The following TMEM132E variants were observed in gnomAD, a reference collection of about 807,000 sequenced individuals.
TMEM132E encodes the protein transmembrane protein 132E.
In TMEM132E, 49 loss-of-function variants were observed where a neutral mutation model predicts 78.5. The ratio of observed to expected loss-of-function variants is 0.62; its 90% confidence interval spans 0.50 to 0.79. TMEM132E has a LOEUF of 0.79. TMEM132E is among the 30% of genes least tolerant of loss of function. The pLI is 0.00. For missense variants in TMEM132E, 1,403 were observed against 1,470.9 expected, an observed-to-expected ratio of 0.95 and a Z score of 0.75; for synonymous variants, 715 against 670.6, an observed-to-expected ratio of 1.07 and a Z score of -1.02.
At chr17:34,594,475 A>C (rs947846297) in intron 1 of TMEM132E, among the ~76,000 whole-genome samples, 2 of 152,222 alleles carry the variant, frequency 1.3e-5, no homozygotes, top group Admixed American at 6.5e-5. Flanking sequence ...ATGGGATAAT[A>C]AGAGTGCCTT....
chr17:34,618,260 C>G (rs1906844700), intron 1 of TMEM132E, among the ~76,000 whole-genome samples: 1 of 152,140 alleles, frequency 6.6e-6, no homozygotes, highest in Non-Finnish European at 1.5e-5. Flanking sequence ...GTTTTAGAGA[C>G]AGGGTCTCAC....
Position 34,635,926 on chromosome 17 carries a change from G to A in TMEM132E, c.1978-81G>A, listed in dbSNP as rs552686979. On this transcript the variant is annotated intron_variant, in intron 7 of 8. Transcript: ENST00000631683. ...TCAGGCCCCTCTTCCAGCAGTGCTG[G>A]GATTTCTCCCTAGCTGGGGGTCTTG... 4.6e-6 allele frequency: 6 copies of A among 1,291,504 alleles called. No individual in the cohort carries two copies. The South Asian group carries it at 9.1e-5, about 20-fold the overall frequency. The allele number at this position is 1,291,504 out of a possible 1,614,324, so 80.0% of individuals were successfully genotyped here. A position where few individuals can be genotyped will look rare whatever the true frequency, so the allele number is the denominator to read the frequency against.
At position 34,628,723 on chromosome 17, in the gene TMEM132E, G is replaced by A; in HGVS notation, c.1145+14G>A. The A allele has an allele frequency of 6.4e-7, 1 of 1,573,816 alleles. No individual in the cohort carries two copies. Among genetic ancestry groups the A allele is most frequent in the Non-Finnish European group, 8.6e-7 (1 of 1,158,660 alleles). On this transcript the variant is annotated intron_variant, in intron 3 of 8. Coordinates refer to ENST00000631683, the MANE Select transcript of TMEM132E (RefSeq NM_001304438.2). ...CCTGCCCCCCAGGTGAGCCCGAGGT[G>A]GTGCATCTACCCACCTCTTCGCAAA...
intron 3 of TMEM132E, 31 bp downstream of exon 3, chr17:34,628,740 C>A: frequency 6.5e-7 from 1 of 1,548,276 alleles, no homozygotes; most frequent in Admixed American, 2.0e-5. Context: ...CTACCCACCT[C>A]TTCGCAAAGC....
chr17:34,634,728 G>A (rs1907455149), intron 6 of TMEM132E, 71 bp from the exon 7 acceptor site: 2 of 1,501,522 alleles, frequency 1.3e-6, no homozygotes, highest in Non-Finnish European at 1.8e-6. Context: ...ACAGGGCAAG[G>A]GTGCGGGGTG....
intron 1 of TMEM132E, among the ~76,000 whole-genome samples, chr17:34,582,330 G>A (rs543155832): frequency 3.0e-4 from 46 of 152,138 alleles, no homozygotes; most frequent in Non-Finnish European, 6.3e-4. Context: ...AAGCTCGCCA[G>A]GAGTGTGCCC....
intron 1 of TMEM132E, among the ~76,000 whole-genome samples, chr17:34,593,753 G>GC (rs1905961005): frequency 6.6e-6 from 1 of 152,250 alleles, no homozygotes; most frequent in African/African-American, 2.4e-5. Context: ...AGGAGATCCT[G>GC]CAAACCACAA....
chr17:34,580,774 G>T lies in TMEM132E; in HGVS notation c.-303G>T. 2.9e-6 allele frequency: 1 copy of T among 341,146 alleles called. No individual in the cohort carries two copies. The allele number at this position is 341,146 out of a possible 1,614,324, so 21.1% of individuals were successfully genotyped here. A position where few individuals can be genotyped will look rare whatever the true frequency, so the allele number is the denominator to read the frequency against. On this transcript the variant is annotated 5_prime_UTR_variant, in exon 1 of 9. Transcript: ENST00000631683. ...CCCCCGGGACGCCCGCGGCCACCGG[G>T]CTCCGGACTGCACGTGCAGCTCCCC...
At chr17:34,613,197 C>CACACACACACA in intron 1 of TMEM132E, among the ~76,000 whole-genome samples, 1 of 131,062 alleles carries the variant, frequency 7.6e-6, no homozygotes, top group Non-Finnish European at 1.6e-5. Flanking sequence ...ACACACACAC[C>CACACACACACA]CACACACACA....
chr17:34,586,685 C>T (rs938155866), intron 1 of TMEM132E, among the ~76,000 whole-genome samples: 7 of 152,136 alleles, frequency 4.6e-5, no homozygotes, highest in African/African-American at 1.7e-4. Context: ...TACACACTTC[C>T]ATCCCAGGCC....
chr17:34,626,716 G>A lies in TMEM132E; in HGVS notation c.657G>A (p.Leu219=), dbSNP rs1907147225. 1.5e-6 allele frequency: 2 copies of A among 1,378,418 alleles called. No homozygotes were observed. The highest frequency in any genetic ancestry group is 1.5e-5 in the South Asian group (1 of 66,302). 85.4% of individuals were successfully genotyped at this position (1,378,418 alleles called of 1,614,324 possible). A position where few individuals can be genotyped will look rare whatever the true frequency, so the allele number is the denominator to read the frequency against. Residue 219 remains leucine (L), a synonymous_variant, in exon 2 of 9, where the codon CTG becomes CTA. Coordinates refer to ENST00000631683, the MANE Select transcript of TMEM132E (RefSeq NM_001304438.2). ...PTARRKSPDG[L]EPEATGESQQ... The stretch of plus-strand genomic sequence containing the variant: ...CCCGCCGCAAGTCCCCGGACGGGCT[G>A]GAGCCCGAGGCGACGGGGGAGAGCC...
At chr17:34,622,081 C>T (rs1311464315) in intron 1 of TMEM132E, among the ~76,000 whole-genome samples, 2 of 152,286 alleles carry the variant, frequency 1.3e-5, no homozygotes, top group Non-Finnish European at 2.9e-5. Context: ...AGCTCTGTGC[C>T]GAGATGCAGG....
chr17:34,592,485 G>C (rs749522417), intron 1 of TMEM132E, among the ~76,000 whole-genome samples: 11 of 152,192 alleles, frequency 7.2e-5, no homozygotes, highest in African/African-American at 9.7e-5. Flanking sequence ...AGGAACACAG[G>C]CCTCCCTAAT....
At chr17:34,590,047 G>A (rs1217426213) in intron 1 of TMEM132E, among the ~76,000 whole-genome samples, 1 of 152,210 alleles carries the variant, frequency 6.6e-6, no homozygotes, top group African/African-American at 2.4e-5. Flanking sequence ...GGTGGGGTGA[G>A]AGGCAAGGGT....
chr17:34,594,032 C>G (rs1460302240), intron 1 of TMEM132E, among the ~76,000 whole-genome samples: 2 of 152,194 alleles, frequency 1.3e-5, no homozygotes, highest in Non-Finnish European at 2.9e-5. Context: ...CTTTCAGGTC[C>G]CTCCCTGGTC....
intron 1 of TMEM132E, among the ~76,000 whole-genome samples, chr17:34,612,249 T>C (rs915350294): frequency 1.3e-5 from 2 of 152,156 alleles, no homozygotes; most frequent in Admixed American, 1.3e-4. Context: ...GTAGACAGCA[T>C]GTAACTGAGT....
Position 34,636,137 on chromosome 17 carries a change from G to A in TMEM132E, c.2108G>A (p.Gly703Glu). The A allele has an allele frequency of 2.5e-6, 4 of 1,588,874 alleles. No homozygotes were observed. The highest frequency in any genetic ancestry group is 3.4e-6 in the Non-Finnish European group (4 of 1,168,812). ...GCCCTCTCCCTGCGGCCCAGCCCTG[G>A]GAGCAGCCACACCATCCTAGCCACC... ...SLALSLRPSP[G>E]SSHTILATTA... The change falls in exon 8 of 9, where the codon GGG becomes GAG. Residue 703 changes from glycine to glutamate, a missense_variant. Gly to Glu is a moderately conservative substitution (Grantham distance 98). Coordinates refer to ENST00000631683, the MANE Select transcript of TMEM132E (RefSeq NM_001304438.2).
chr17:34,582,434 T>G (rs1415977359), intron 1 of TMEM132E, among the ~76,000 whole-genome samples: 1 of 150,780 alleles, frequency 6.6e-6, no homozygotes, highest in Non-Finnish European at 1.5e-5. Context: ...AATCGTAGGG[T>G]CCTGGGGCTA....
intron 7 of TMEM132E, 110 bp from the exon 8 acceptor site, chr17:34,635,896 AC>A: frequency 8.9e-7 from 1 of 1,126,310 alleles, no homozygotes; most frequent in Non-Finnish European, 1.2e-6. Context: ...AGCCTGCCTC[AC>A]CCTTCAGGCC....
Sources: gnomAD v4.1 joint callset for allele counts (sites outside exome capture counted in the v4.1 genomes callset) on GRCh38, gnomAD v4.1.1 for gene constraint, MANE v1.5 for transcripts, NCBI Gene and HGNC (gene_info 2026-07-23, HGNC 2026-07-21) for gene names.